The following ALAS1 variants were observed in gnomAD, a reference collection of about 807,000 sequenced individuals.
The protein encoded by ALAS1 is 5-aminolevulinate synthase, non-specific, mitochondrial.
In ALAS1, 29 loss-of-function variants were observed where a neutral mutation model predicts 59.6. That is an observed-to-expected ratio of 0.49 (90% confidence interval 0.36 to 0.66). The LOEUF is 0.66. Among genes scored for constraint, ALAS1 ranks in the 30% least tolerant of loss-of-function variants. The probability of loss-of-function intolerance (pLI) is 0.00; values close to 1 mark genes in which losing one functional copy is unlikely to be tolerated. For synonymous variants in ALAS1, 299 were observed against 296.6 expected (o/e 1.01, Z -0.08); for missense variants, 690 against 807.5 (o/e 0.85, Z 1.76).
At chr3:52,208,043 C>A in intron 8 of ALAS1, 40 bp from the exon 9 acceptor site, 1 of 1,468,652 alleles carries the variant, frequency 6.8e-7, no homozygotes, top group South Asian at 1.5e-5. Context: ...ATTTCTGAAG[C>A]GGCAAAAGCT....
At position 52,198,174 on chromosome 3, in the gene ALAS1, C is replaced by A; in HGVS notation, c.-291C>A. Reference sequence around the variant, plus strand: ...ATCGCGGCCTGAGGCTGCTCCCGGACAAGGGCAACGAGCGTTTCGTTTGGA... The same window carrying A: ...ATCGCGGCCTGAGGCTGCTCCCGGAAAAGGGCAACGAGCGTTTCGTTTGGA... On this transcript the variant is annotated 5_prime_UTR_variant, in exon 1 of 12. Coordinates refer to ENST00000484952, the MANE Select transcript of ALAS1 (RefSeq NM_000688.6). 2.5e-6 allele frequency: 1 copy of A among 398,614 alleles called. No homozygotes were observed. The highest frequency in any genetic ancestry group is 4.4e-6 in the Non-Finnish European group (1 of 225,966). 24.7% of individuals were successfully genotyped at this position (398,614 alleles called of 1,614,324 possible).
Position 52,203,947 on chromosome 3 carries a change from A to G in ALAS1, c.512A>G (p.Gln171Arg). 4 of 1,613,746 alleles carry G rather than the reference A, an allele frequency of 2.5e-6. No individual in the cohort carries two copies. The highest frequency in any genetic ancestry group is 3.4e-6 in the Non-Finnish European group (4 of 1,179,746). ...GDPSGLLKNF[Q>R]DIMQKQRPER... is the part of the protein sequence containing the mutation. ...CCCAGTGGACTGCTGAAGAACTTCC[A>G]GGACATCATGCAAAAGCAAAGACCA... Residue 171 changes from glutamine (Q) to arginine (R), a missense_variant, in exon 5 of 12, where the codon CAG becomes CGG. By Grantham distance (43) the Gln-to-Arg change is conservative. Transcript: ENST00000484952.
chr3:52,204,487 G>C (rs1433513348), intron 5 of ALAS1, among the ~76,000 whole-genome samples: 1 of 152,226 alleles, frequency 6.6e-6, no homozygotes, highest in East Asian at 1.9e-4. Flanking sequence ...GCTGTTGGTA[G>C]CCTGCCTTCT....
chr3:52,213,535 A>G (rs1357256619), intron 11 of ALAS1, among the ~76,000 whole-genome samples: 3 of 152,238 alleles, frequency 2.0e-5, no homozygotes, highest in African/African-American at 4.8e-5. Context: ...ATCCAAGTCT[A>G]TGATTTTTAA....
chr3:52,205,950 T>C lies in ALAS1; in HGVS notation c.912T>C (p.Asp304=), dbSNP rs2107271843. 6.2e-7 allele frequency: 1 copy of C among 1,614,228 alleles called. No individual in the cohort carries two copies. The highest frequency in any genetic ancestry group is 8.5e-7 in the Non-Finnish European group (1 of 1,180,034). The stretch of plus-strand genomic sequence containing the variant: ...AGCTGGCAGACCTCCATGGGAAAGA[T>C]GCCGCACTCTTGTTTTCCTCGTGCT... ...ERELADLHGK[D]AALLFSSCFV... is the part of the protein sequence containing the mutation. Residue 304 remains aspartate, a synonymous_variant, in exon 7 of 12, where the codon GAT becomes GAC. Transcript: ENST00000484952.
chr3:52,205,664 T>A (rs1164364156), intron 6 of ALAS1, among the ~76,000 whole-genome samples, 175 bp from the exon 7 acceptor site: 1 of 152,128 alleles, frequency 6.6e-6, no homozygotes, highest in Non-Finnish European at 1.5e-5. Context: ...ATTGACACCT[T>A]CTCCCACCTA....
chr3:52,213,920 C>T, intron 11 of ALAS1, 100 bp from the exon 12 acceptor site: 1 of 1,074,928 alleles, frequency 9.3e-7, no homozygotes, highest in South Asian at 1.6e-5. Flanking sequence ...ATGAATAATG[C>T]TGCTATGAAC....
chr3:52,206,095 A>C (rs538486343), intron 7 of ALAS1, 72 bp downstream of exon 7: 1 of 1,381,118 alleles, frequency 7.2e-7, no homozygotes, highest in Non-Finnish European at 9.9e-7. Flanking sequence ...TTGGCAACAA[A>C]GAAGCCTTAC....
At chr3:52,204,620 CTTG>C (rs1351523024) in intron 5 of ALAS1, 70 bp from the exon 6 acceptor site, 4 of 1,291,532 alleles carry the variant, frequency 3.1e-6, no homozygotes, top group East Asian at 2.4e-5. Flanking sequence ...CAAGCTGAGA[CTTG>C]TTGTATTTCA....
intron 7 of ALAS1, among the ~76,000 whole-genome samples, 190 bp from the exon 8 acceptor site, chr3:52,206,381 TC>T (rs1304740737): frequency 2.6e-5 from 4 of 152,204 alleles, no homozygotes; most frequent in African/African-American, 9.6e-5. Flanking sequence ...ACAAGGTTAT[TC>T]TACACCTTTG....
At position 52,198,176 on chromosome 3, in the gene ALAS1, A is replaced by G; in HGVS notation, c.-289A>G. 2 of 398,612 alleles carry G rather than the reference A, an allele frequency of 5.0e-6. No homozygotes were observed. The highest frequency in any genetic ancestry group is 8.9e-6 in the Non-Finnish European group (2 of 225,970). 24.7% of individuals were successfully genotyped at this position (398,612 alleles called of 1,614,324 possible). A position where few individuals can be genotyped will look rare whatever the true frequency, so the allele number is the denominator to read the frequency against. On this transcript the variant is annotated 5_prime_UTR_variant, in exon 1 of 12. Coordinates refer to ENST00000484952, the MANE Select transcript of ALAS1 (RefSeq NM_000688.6). Reference sequence around the variant, plus strand: ...CGCGGCCTGAGGCTGCTCCCGGACAAGGGCAACGAGCGTTTCGTTTGGACT... The same window carrying G: ...CGCGGCCTGAGGCTGCTCCCGGACAGGGGCAACGAGCGTTTCGTTTGGACT...
rs1331500090 is a variant in ALAS1 at position 52,204,819 on chromosome 3, A to G, written c.704A>G (p.Tyr235Cys). ...RAHIFPMADD[Y>C]SDSLITKKQV... ...CACATCTTCCCCATGGCAGATGACT[A>G]TTCAGACTCCCTCATCACCAAAAAG... The change falls in exon 6 of 12, where the codon TAT becomes TGT. Residue 235 changes from tyrosine (Y) to cysteine (C), a missense_variant. Coordinates refer to ENST00000484952, the MANE Select transcript of ALAS1 (RefSeq NM_000688.6). 1.2e-6 allele frequency: 2 copies of G among 1,614,198 alleles called. No individual in the cohort carries two copies. Among genetic ancestry groups the G allele is most frequent in the African/African-American group, 1.3e-5 (1 of 75,048 alleles).
chr3:52,212,858 C>T (rs906278489), intron 11 of ALAS1, among the ~76,000 whole-genome samples: 3 of 152,110 alleles, frequency 2.0e-5, no homozygotes, highest in Non-Finnish European at 2.9e-5. Flanking sequence ...AGTAACTAAG[C>T]ATGCCCTCAA....
upstream of ALAS1, chr3:52,198,132 A>C (rs1577957799): frequency 2.5e-6 from 1 of 398,286 alleles, no homozygotes; most frequent in Non-Finnish European, 4.4e-6. Context: ...CTCCCGCTGT[A>C]TATTAAGGCG....
chr3:52,211,112 G>C (rs748333873), intron 9 of ALAS1, among the ~76,000 whole-genome samples, 171 bp from the exon 10 acceptor site: 3 of 152,166 alleles, frequency 2.0e-5, no homozygotes, highest in African/African-American at 7.2e-5. Context: ...ATATGTGGTC[G>C]TCATTGACTG....
At chr3:52,211,183 A>G (rs891753196) in intron 9 of ALAS1, 100 bp from the exon 10 acceptor site, 10 of 1,347,700 alleles carry the variant, frequency 7.4e-6, no homozygotes, top group African/African-American at 1.4e-5. Flanking sequence ...TAAAAAGATA[A>G]GGAGAAAAGT....
rs546690561 is a variant in ALAS1, at chr3:52,204,806, A to G, written c.691A>G (p.Met231Val). 48 of 1,614,056 alleles carry G rather than the reference A, an allele frequency of 3.0e-5. 1 individual carries two copies. The South Asian group carries it at 4.8e-4, about 16-fold the overall frequency. ...TVNRRAHIFP[M>V]ADDYSDSLIT... ...GAACCGGCGAGCACACATCTTCCCCATGGCAGATGACTATTCAGACTCCCT... is the reference window on the plus strand; with the variant it reads ...GAACCGGCGAGCACACATCTTCCCCGTGGCAGATGACTATTCAGACTCCCT... Residue 231 changes from methionine (M) to valine (V), a missense_variant, in exon 6 of 12, where the codon ATG becomes GTG. Transcript: ENST00000484952.
intron 1 of ALAS1, 40 bp downstream of exon 1, chr3:52,198,295 G>T (rs1699111332): frequency 2.5e-6 from 1 of 405,332 alleles, no homozygotes; most frequent in Non-Finnish European, 4.4e-6. Context: ...GGCCGAGGAA[G>T]CCCCGGGGTG....
intron 5 of ALAS1, 102 bp from the exon 6 acceptor site, chr3:52,204,591 C>G (rs934215587): frequency 1.1e-6 from 1 of 922,444 alleles, no homozygotes; most frequent in South Asian, 1.5e-5. Context: ...ATAACCTGCC[C>G]AGGATCTCCC....
Sources: allele counts gnomAD v4.1 joint callset (sites outside exome capture counted in the v4.1 genomes callset), GRCh38; gene constraint gnomAD v4.1.1; transcripts MANE v1.5; gene names NCBI Gene and HGNC (gene_info 2026-07-23, HGNC 2026-07-21).